FHOD3: variants seen among roughly 807,000 people sequenced by gnomAD.
The protein encoded by FHOD3 is formin homology 2 domain containing 3, also known as FH1/FH2 domain-containing protein 3.
A neutral mutation model predicts 173.0 loss-of-function variants in FHOD3; 90 were observed. That is an observed-to-expected ratio of 0.52 (90% CI 0.44 to 0.62). FHOD3 has a LOEUF of 0.62. Ranked by LOEUF, FHOD3 falls within the 20% of genes least tolerant of loss-of-function variation. The probability of loss-of-function intolerance (pLI) is 0.00; values close to 1 mark genes in which losing one functional copy is unlikely to be tolerated. For synonymous variants in FHOD3, 828 were observed against 823.0 expected (o/e 1.01, Z -0.10); for missense variants, 1,945 against 2,034.7 (o/e 0.96, Z 0.85).
intron 19 of FHOD3, among the ~76,000 whole-genome samples, chr18:36,719,772 A>G (rs1415991126): frequency 6.6e-6 from 1 of 152,190 alleles, no homozygotes; most frequent in African/African-American, 2.4e-5. Flanking sequence ...CAGGATCCTC[A>G]GAACAAGTGA....
chr18:36,739,921 C>T (rs1407438482), intron 20 of FHOD3, among the ~76,000 whole-genome samples: 1 of 152,026 alleles, frequency 6.6e-6, no homozygotes, highest in Admixed American at 6.6e-5. Flanking sequence ...TTTTCCTTTC[C>T]AGTCTGTATG....
chr18:36,561,629 G>A (rs1239252586), intron 5 of FHOD3, among the ~76,000 whole-genome samples: 1 of 152,074 alleles, frequency 6.6e-6, no homozygotes, highest in East Asian at 1.9e-4. Context: ...TCTTCATAAT[G>A]TTGTGCCACC....
chr18:36,648,905 T>C (rs2035860838), intron 10 of FHOD3, among the ~76,000 whole-genome samples: 1 of 152,228 alleles, frequency 6.6e-6, no homozygotes, highest in Admixed American at 6.5e-5. Context: ...GTGAGGACTC[T>C]GGTTGCTGCA....
intron 11 of FHOD3, among the ~76,000 whole-genome samples, chr18:36,651,934 T>C (rs1470667854): frequency 6.6e-6 from 1 of 152,202 alleles, no homozygotes; most frequent in African/African-American, 2.4e-5. Context: ...GGCGTCTGAA[T>C]GTCACAGGTG....
chr18:36,483,367 T>G (rs1158069907), intron 3 of FHOD3, among the ~76,000 whole-genome samples: 1 of 152,106 alleles, frequency 6.6e-6, no homozygotes, highest in Non-Finnish European at 1.5e-5. Context: ...GATGCTCCAC[T>G]CAGCACAGCC....
chr18:36,352,979 G>C (rs557403987), intron 1 of FHOD3, among the ~76,000 whole-genome samples: 3 of 152,298 alleles, frequency 2.0e-5, no homozygotes, highest in African/African-American at 7.2e-5. Flanking sequence ...TCTGATTTCA[G>C]TCCACTGGTG....
At chr18:36,335,052 C>A (rs1005894485) in intron 1 of FHOD3, among the ~76,000 whole-genome samples, 2 of 152,196 alleles carry the variant, frequency 1.3e-5, no homozygotes, top group African/African-American at 4.8e-5. Flanking sequence ...ATCTCCAGGG[C>A]CTGGGCTAGG....
intron 1 of FHOD3, among the ~76,000 whole-genome samples, chr18:36,333,469 G>A (rs919595897): frequency 9.2e-5 from 14 of 152,218 alleles, no homozygotes; most frequent in African/African-American, 2.9e-4. Context: ...TAATCCAGAG[G>A]AATGTACAAT....
At chr18:36,634,121 T>C (rs2034703326) in intron 10 of FHOD3, among the ~76,000 whole-genome samples, 1 of 152,200 alleles carries the variant, frequency 6.6e-6, no homozygotes, top group Non-Finnish European at 1.5e-5. Flanking sequence ...TGATGGCTCA[T>C]AACTGATGCA....
chr18:36,344,513 C>CATA (rs1417299132), intron 1 of FHOD3, among the ~76,000 whole-genome samples: 1 of 151,872 alleles, frequency 6.6e-6, no homozygotes, highest in East Asian at 1.9e-4. Flanking sequence ...GTCAGGAAGG[C>CATA]ATATTATCTA....
intron 24 of FHOD3, among the ~76,000 whole-genome samples, chr18:36,748,957 A>T (rs1173900217): frequency 8.7e-5 from 13 of 149,510 alleles, no homozygotes; most frequent in Admixed American, 8.0e-4. Flanking sequence ...TTTTTTTTTT[A>T]AACTTAACAC....
intron 3 of FHOD3, among the ~76,000 whole-genome samples, chr18:36,478,346 TACAGGCATAATC>T (rs909290345): frequency 1.3e-5 from 2 of 152,328 alleles, no homozygotes; most frequent in South Asian, 2.1e-4. Flanking sequence ...GATATTTTGA[TACAGGCATAATC>T]ACATCATGGT....
chr18:36,696,810 G>A (rs770146962), intron 17 of FHOD3, among the ~76,000 whole-genome samples: 4 of 152,126 alleles, frequency 2.6e-5, no homozygotes, highest in African/African-American at 7.2e-5. Flanking sequence ...ACATACACAC[G>A]CTCCTGTTTG....
chr18:36,580,829 C>G (rs1302574640), intron 6 of FHOD3, among the ~76,000 whole-genome samples: 1 of 152,214 alleles, frequency 6.6e-6, no homozygotes, highest in African/African-American at 2.4e-5. Context: ...AAGAAATCAG[C>G]AAAGCCAGGG....
intron 1 of FHOD3, among the ~76,000 whole-genome samples, chr18:36,315,886 G>A (rs537596183): frequency 4.6e-4 from 70 of 152,130 alleles, no homozygotes; most frequent in African/African-American, 1.5e-3. Flanking sequence ...TGCTTGGTGC[G>A]CCCTCATGAG....
At chr18:36,730,947 T>A in intron 20 of FHOD3, 143 bp downstream of exon 20, 1 of 883,714 alleles carries the variant, frequency 1.1e-6, no homozygotes, top group South Asian at 2.2e-5. Flanking sequence ...TTACACGTGT[T>A]AAACTTTTTG....
chr18:36,749,983 C>G (rs2042333653), intron 24 of FHOD3, among the ~76,000 whole-genome samples: 1 of 151,374 alleles, frequency 6.6e-6, no homozygotes, highest in South Asian at 2.1e-4. Context: ...ACATGTATGT[C>G]TTCTTTTAAA....
At chr18:36,451,879 G>T (rs571751104) in intron 3 of FHOD3, among the ~76,000 whole-genome samples, 8 of 152,274 alleles carry the variant, frequency 5.3e-5, no homozygotes, top group African/African-American at 1.9e-4. Flanking sequence ...GTTCTGAGGG[G>T]GGTAGTGCAG....
At chr18:36,717,549 G>T (rs1469808224) in intron 18 of FHOD3, among the ~76,000 whole-genome samples, 1 of 152,098 alleles carries the variant, frequency 6.6e-6, no homozygotes, top group African/African-American at 2.4e-5. Context: ...CCGCTGCCTT[G>T]GGTGGGCAGG....
Sources: allele counts gnomAD v4.1 joint callset (sites outside exome capture counted in the v4.1 genomes callset), GRCh38; gene constraint gnomAD v4.1.1; transcripts MANE v1.5; gene names NCBI Gene and HGNC (gene_info 2026-07-23, HGNC 2026-07-21).